FAM135B: variants seen among roughly 807,000 people sequenced by gnomAD.
The protein encoded by FAM135B is family with sequence similarity 135 member B, also known as protein FAM135B.
Under a neutral mutation model 127.7 loss-of-function variants are expected in FAM135B, and 43 were observed. The ratio of observed to expected loss-of-function variants is 0.34; its 90% confidence interval spans 0.26 to 0.43. FAM135B has a LOEUF of 0.43. Ranked by LOEUF, FAM135B falls within the 20% of genes least tolerant of loss-of-function variation. The pLI, the probability that FAM135B is intolerant of heterozygous loss-of-function variation, is 1.00. For synonymous variants in FAM135B, 670 were observed against 665.1 expected (o/e 1.01, Z -0.11); for missense variants, 1,558 against 1,725.6 (o/e 0.90, Z 1.72).
At chr8:138,285,690 A>G (rs1306773689) in intron 3 of FAM135B, among the ~76,000 whole-genome samples, 2 of 152,232 alleles carry the variant, frequency 1.3e-5, no homozygotes. Context: ...CACTTACTTC[A>G]AGGGAGTTAA....
intron 7 of FAM135B, among the ~76,000 whole-genome samples, chr8:138,208,886 AT>A (rs1018096231): frequency 6.6e-5 from 10 of 152,198 alleles, no homozygotes; most frequent in Non-Finnish European, 1.2e-4. Flanking sequence ...TTAAAAAAAA[AT>A]CTCATTATTA....
At chr8:138,159,156 C>T (rs367877813) in intron 12 of FAM135B, among the ~76,000 whole-genome samples, 6,646 of 147,784 alleles carry the variant, frequency 0.045, 274 homozygotes, top group East Asian at 0.22. Context: ...CCTGTAGTCC[C>T]AGCTACTCGG....
chr8:138,170,647 A>AGTGCTGGTAAAGCACTATATTTATAGT (rs1554618865), intron 11 of FAM135B, among the ~76,000 whole-genome samples: 4 of 152,180 alleles, frequency 2.6e-5, no homozygotes, highest in Non-Finnish European at 4.4e-5. Flanking sequence ...TTCCCTATAT[A>AGTGCTGGTAAAGCACTATATTTATAGT]GCTGGTAAAG....
chr8:138,247,141 G>A (rs563829440), intron 6 of FAM135B, among the ~76,000 whole-genome samples: 3 of 152,300 alleles, frequency 2.0e-5, no homozygotes, highest in East Asian at 1.9e-4. Flanking sequence ...TGTCTCAGAT[G>A]AGACTTCGGA....
At chr8:138,360,174 G>A (rs555807111) in intron 2 of FAM135B, among the ~76,000 whole-genome samples, 39 of 152,274 alleles carry the variant, frequency 2.6e-4, no homozygotes, top group African/African-American at 8.2e-4. Context: ...TTAGAGTTTT[G>A]TCTGAATTAA....
In FAM135B at chr8:138,367,903, T is replaced by G; in HGVS notation, c.77+4A>C. ...CACACACACAAATTGTAAAGCATAC[T>G]TACCCTCTCTGAAAGAGATCCACAT... On this transcript the variant is annotated splice_donor_region_variant and intron_variant, in intron 2 of 19. Transcript: ENST00000395297. 1 of 1,596,864 alleles carries G rather than the reference T, an allele frequency of 6.3e-7. No individual in the cohort carries two copies. The highest frequency in any genetic ancestry group is 8.6e-7 in the Non-Finnish European group (1 of 1,165,798).
At chr8:138,160,420 G>T (rs558212440) in intron 12 of FAM135B, among the ~76,000 whole-genome samples, 4 of 151,734 alleles carry the variant, frequency 2.6e-5, no homozygotes, top group Non-Finnish European at 5.9e-5. Flanking sequence ...ATGGAGTCTC[G>T]TTCTGTGGCA....
At chr8:138,415,126 A>G (rs569685200) in intron 1 of FAM135B, among the ~76,000 whole-genome samples, 3 of 152,200 alleles carry the variant, frequency 2.0e-5, no homozygotes, top group Non-Finnish European at 4.4e-5. Context: ...CTCCAATACT[A>G]TAGCTCTCTG....
intron 1 of FAM135B, among the ~76,000 whole-genome samples, chr8:138,443,410 T>C (rs1835924396): frequency 2.6e-5 from 4 of 152,062 alleles, no homozygotes; most frequent in Admixed American, 1.3e-4. Flanking sequence ...TTATATGGGG[T>C]CCACTTAAAT....
chr8:138,423,930 T>G (rs1022741381), intron 1 of FAM135B, among the ~76,000 whole-genome samples: 6 of 152,218 alleles, frequency 3.9e-5, no homozygotes, highest in African/African-American at 1.2e-4. Context: ...AGAAAAAGAA[T>G]TCAGCCATAT....
At chr8:138,278,006 T>C (rs6988813) in intron 3 of FAM135B, among the ~76,000 whole-genome samples, 48,735 of 151,934 alleles carry the variant, frequency 0.32, 8,907 homozygotes, top group Admixed American at 0.41. Flanking sequence ...ATCTTGCCCT[T>C]TGACCCCACA....
chr8:138,154,549 A>G (rs1563699304), intron 12 of FAM135B, among the ~76,000 whole-genome samples: 1 of 152,162 alleles, frequency 6.6e-6, no homozygotes, highest in Non-Finnish European at 1.5e-5. Flanking sequence ...ACCTTGAAAA[A>G]AGATTAGACA....
At chr8:138,202,714 T>G (rs2131176957) in intron 7 of FAM135B, among the ~76,000 whole-genome samples, 1 of 152,340 alleles carries the variant, frequency 6.6e-6, no homozygotes, top group South Asian at 2.1e-4. Context: ...AAATGCAGAC[T>G]TATGTAATGC....
chr8:138,261,658 A>C (rs1822546519), intron 4 of FAM135B, among the ~76,000 whole-genome samples: 1 of 152,226 alleles, frequency 6.6e-6, no homozygotes, highest in Admixed American at 6.5e-5. Context: ...CTACCTCCAG[A>C]CTCACTCTTT....
chr8:138,167,629 C>T (rs1021882847), intron 12 of FAM135B, among the ~76,000 whole-genome samples: 3 of 152,186 alleles, frequency 2.0e-5, no homozygotes, highest in African/African-American at 4.8e-5. Flanking sequence ...GCCCATTTTG[C>T]AGGTGAAAAC....
chr8:138,178,195 C>T (rs566953718), intron 10 of FAM135B, among the ~76,000 whole-genome samples: 2 of 150,544 alleles, frequency 1.3e-5, no homozygotes, highest in Admixed American at 6.7e-5. Flanking sequence ...TTGCAGTGAG[C>T]GGAGATTGCA....
chr8:138,458,142 A>T (rs1211759458), intron 1 of FAM135B, among the ~76,000 whole-genome samples: 2 of 151,984 alleles, frequency 1.3e-5, no homozygotes, highest in Non-Finnish European at 2.9e-5. Flanking sequence ...ACAGAAAGAG[A>T]CTCCATCTCA....
intron 1 of FAM135B, among the ~76,000 whole-genome samples, chr8:138,457,151 A>G (rs1836831063): frequency 6.6e-6 from 1 of 152,094 alleles, no homozygotes; most frequent in Non-Finnish European, 1.5e-5. Flanking sequence ...TAGGAAGAGA[A>G]GCAGGAGCCA....
chr8:138,143,106 C>T lies in FAM135B; in HGVS notation c.3544G>A (p.Asp1182Asn), dbSNP rs2130627317. 1 of 1,582,226 alleles carries T rather than the reference C, an allele frequency of 6.3e-7. No individual in the cohort carries two copies. Among genetic ancestry groups the T allele is most frequent in the Non-Finnish European group, 8.7e-7 (1 of 1,151,216 alleles). Residue 1182 changes from aspartate (D) to asparagine (N), a missense_variant, in exon 16 of 20, where the codon GAC becomes AAC. Asp to Asn is a conservative substitution (Grantham distance 23). Transcript: ENST00000395297. ...ATAGTATCAAAATCTGCAAATGTGTCCATCTGGAAGAAGAGAGAGGAACAG... is the reference window on the plus strand; with the variant it reads ...ATAGTATCAAAATCTGCAAATGTGTTCATCTGGAAGAAGAGAGAGGAACAG... Reference protein sequence around the residue: ...DFLMSEKNQMDTFADFDTMTD... With the variant: ...DFLMSEKNQMNTFADFDTMTD...
Sources: allele counts gnomAD v4.1 joint callset (sites outside exome capture counted in the v4.1 genomes callset), GRCh38; gene constraint gnomAD v4.1.1; transcripts MANE v1.5; gene names NCBI Gene and HGNC (gene_info 2026-07-23, HGNC 2026-07-21).